The following ZCCHC7 variants were observed in gnomAD, a reference collection of about 807,000 sequenced individuals.
The protein encoded by ZCCHC7 is zinc finger CCHC domain-containing protein 7.
In ZCCHC7, 35 loss-of-function variants were observed where a neutral mutation model predicts 52.0. That is an observed-to-expected ratio of 0.67 (90% CI 0.51 to 0.89). The LOEUF (loss-of-function observed/expected upper bound fraction) is 0.89. Ranked by LOEUF, ZCCHC7 falls within the 40% of genes least tolerant of loss-of-function variation. The pLI, the probability that ZCCHC7 is intolerant of heterozygous loss-of-function variation, is 0.00. For missense variants in ZCCHC7, 574 were observed against 649.1 expected, an observed-to-expected ratio of 0.88 and a Z score of 1.26; for synonymous variants, 217 against 221.5, an observed-to-expected ratio of 0.98 and a Z score of 0.18.
chr9:37,199,343 T>C (rs1166562244), intron 2 of ZCCHC7, among the ~76,000 whole-genome samples: 1 of 149,782 alleles, frequency 6.7e-6, no homozygotes, highest in Non-Finnish European at 1.5e-5. Context: ...TTTTTTTTTT[T>C]TTCTTGAGAC....
At chr9:37,253,685 C>A (rs145661581) in intron 2 of ZCCHC7, among the ~76,000 whole-genome samples, 6 of 151,978 alleles carry the variant, frequency 3.9e-5, no homozygotes, top group Admixed American at 3.9e-4. Context: ...TGATTCATTA[C>A]AGGTAACATG....
intron 2 of ZCCHC7, among the ~76,000 whole-genome samples, chr9:37,257,811 A>G (rs190332477): frequency 1.3e-5 from 2 of 152,028 alleles, no homozygotes; most frequent in South Asian, 2.1e-4. Context: ...CCATGATTCT[A>G]AGTTTCCTGA....
At chr9:37,169,467 A>G (rs994224681) in intron 2 of ZCCHC7, among the ~76,000 whole-genome samples, 1 of 152,138 alleles carries the variant, frequency 6.6e-6, no homozygotes, top group East Asian at 1.9e-4. Flanking sequence ...TTTGCAAACT[A>G]GACGTGCGCC....
At chr9:37,125,757 C>T (rs1314731597) in intron 1 of ZCCHC7, among the ~76,000 whole-genome samples, 1 of 152,152 alleles carries the variant, frequency 6.6e-6, no homozygotes, top group East Asian at 1.9e-4. Flanking sequence ...TACAATATAC[C>T]TGTGAAATCT....
chr9:37,321,654 C>A (rs771006852), intron 5 of ZCCHC7, among the ~76,000 whole-genome samples: 3 of 152,094 alleles, frequency 2.0e-5, no homozygotes, highest in Non-Finnish European at 4.4e-5. Flanking sequence ...GTCCTAACTA[C>A]TCTGGAGGCT....
intron 5 of ZCCHC7, among the ~76,000 whole-genome samples, chr9:37,309,907 G>A (rs1343818897): frequency 1.3e-5 from 2 of 148,358 alleles, no homozygotes; most frequent in Non-Finnish European, 3.0e-5. Flanking sequence ...GGGCAACAGA[G>A]TGAGACTGTT....
chr9:37,323,598 C>G (rs1830132490), intron 5 of ZCCHC7, among the ~76,000 whole-genome samples: 1 of 152,050 alleles, frequency 6.6e-6, no homozygotes, highest in African/African-American at 2.4e-5. Flanking sequence ...TCCTCTTTAT[C>G]AAGAATGGCA....
chr9:37,255,889 G>A (rs1274378201), intron 2 of ZCCHC7, among the ~76,000 whole-genome samples: 1 of 152,054 alleles, frequency 6.6e-6, no homozygotes, highest in Non-Finnish European at 1.5e-5. Context: ...CAGTGCTGAG[G>A]GAATTGTCCT....
chr9:37,256,649 A>C (rs533010637), intron 2 of ZCCHC7, among the ~76,000 whole-genome samples: 2 of 152,328 alleles, frequency 1.3e-5, no homozygotes, highest in South Asian at 4.1e-4. Flanking sequence ...AACGGGAAGT[A>C]CTGTACACAC....
intron 2 of ZCCHC7, among the ~76,000 whole-genome samples, chr9:37,273,364 ATGGTGGCGGGTGCCTG>A (rs1391855094): frequency 3.3e-5 from 5 of 152,130 alleles, no homozygotes; most frequent in Non-Finnish European, 7.4e-5. Context: ...TTAGCCAGGC[ATGGTGGCGGGTGCCTG>A]TAGTCCCAGC....
chr9:37,310,624 T>C (rs1436591760), intron 5 of ZCCHC7, among the ~76,000 whole-genome samples: 2 of 152,192 alleles, frequency 1.3e-5, no homozygotes, highest in East Asian at 3.8e-4. Context: ...TATGACTATG[T>C]GGAGAAAGCT....
intron 5 of ZCCHC7, among the ~76,000 whole-genome samples, chr9:37,307,996 G>A (rs1250053746): frequency 6.6e-6 from 1 of 152,128 alleles, no homozygotes; most frequent in Non-Finnish European, 1.5e-5. Context: ...TACCAGCAGT[G>A]TTAAGAGAAA....
At chr9:37,306,302 T>C (rs1225570045) in intron 5 of ZCCHC7, among the ~76,000 whole-genome samples, 3 of 151,430 alleles carry the variant, frequency 2.0e-5, no homozygotes, top group Non-Finnish European at 2.9e-5. Flanking sequence ...CTCCTGACCT[T>C]AGGTGATCTG....
chr9:37,217,494 A>G (rs989583196), intron 2 of ZCCHC7, among the ~76,000 whole-genome samples: 1 of 152,134 alleles, frequency 6.6e-6, no homozygotes, highest in Non-Finnish European at 1.5e-5. Context: ...GTATTTTGGC[A>G]CCTTATAAAG....
intron 2 of ZCCHC7, among the ~76,000 whole-genome samples, chr9:37,212,642 A>G (rs1273326311): frequency 6.6e-6 from 1 of 152,220 alleles, no homozygotes; most frequent in Non-Finnish European, 1.5e-5. Context: ...GCCCAGCCTT[A>G]CTTCAGAGTC....
intron 2 of ZCCHC7, among the ~76,000 whole-genome samples, chr9:37,218,642 C>G (rs772465426): frequency 1.3e-5 from 2 of 152,096 alleles, no homozygotes; most frequent in African/African-American, 2.4e-5. Context: ...AACCCTGTCT[C>G]TACTAAAAAT....
chr9:37,302,702 A>T (rs1829091409), intron 3 of ZCCHC7, among the ~76,000 whole-genome samples: 1 of 152,256 alleles, frequency 6.6e-6, no homozygotes, highest in Non-Finnish European at 1.5e-5. Context: ...AAAATAACAA[A>T]TAAAAGATGA....
At chr9:37,309,483 T>C (rs1829492660) in intron 5 of ZCCHC7, among the ~76,000 whole-genome samples, 1 of 152,202 alleles carries the variant, frequency 6.6e-6, no homozygotes, top group East Asian at 1.9e-4. Context: ...TCAACCCTTT[T>C]TATGTAAATA....
chr9:37,288,555 C>T (rs931779956), intron 2 of ZCCHC7, among the ~76,000 whole-genome samples: 3 of 151,794 alleles, frequency 2.0e-5, no homozygotes, highest in African/African-American at 7.3e-5. Flanking sequence ...ATTTACTGCC[C>T]CTGAATTCTC....
Sources: allele counts gnomAD v4.1 joint callset (sites outside exome capture counted in the v4.1 genomes callset), GRCh38; gene constraint gnomAD v4.1.1; transcripts MANE v1.5; gene names NCBI Gene and HGNC (gene_info 2026-07-23, HGNC 2026-07-21).